The following GRIN2A variants were observed in gnomAD, a reference collection of about 807,000 sequenced individuals.
The protein encoded by GRIN2A is glutamate receptor ionotropic, NMDA 2A.
A neutral mutation model predicts 113.4 loss-of-function variants in GRIN2A; 22 were observed. The ratio of observed to expected loss-of-function variants is 0.19; its 90% CI spans 0.14 to 0.28. GRIN2A has a LOEUF of 0.28. Among genes scored for constraint, GRIN2A ranks in the 10% least tolerant of loss-of-function variants. The pLI is 1.00. For synonymous variants in GRIN2A, 827 were observed against 738.4 expected (o/e 1.12, Z -1.94); for missense variants, 1,502 against 1,887.0 (o/e 0.80, Z 3.78).
chr16:9,955,387 T>G (rs1423740096), intron 2 of GRIN2A, among the ~76,000 whole-genome samples: 1 of 152,212 alleles, frequency 6.6e-6, no homozygotes, highest in Non-Finnish European at 1.5e-5. Context: ...CTTCATTCAT[T>G]TCTAGATCAT....
chr16:9,858,635 C>T (rs1411167953), intron 4 of GRIN2A, among the ~76,000 whole-genome samples: 3 of 152,054 alleles, frequency 2.0e-5, no homozygotes, highest in Non-Finnish European at 4.4e-5. Flanking sequence ...ATGTTTAATT[C>T]CTATTAATAA....
intron 2 of GRIN2A, among the ~76,000 whole-genome samples, chr16:10,150,317 G>C (rs1406775859): frequency 2.0e-5 from 3 of 152,144 alleles, no homozygotes; most frequent in Non-Finnish European, 4.4e-5. Flanking sequence ...TCACTATTTG[G>C]TTTCAAATCC....
Position 9,764,518 on chromosome 16 carries a change from C to T in GRIN2A, c.3026G>A (p.Arg1009Lys), listed in dbSNP as rs1900786503. ...GGATTTCTTCCACAGCTGCCGGGGT[C>T]TAGAGTTCGCTTTGGATTCTGTGCT... ...AVSTESKANS[R>K]PRQLWKKSVD... Residue 1009 changes from arginine to lysine, a missense_variant, in exon 13 of 13, where the codon AGA becomes AAA. By Grantham distance (26) the Arg-to-Lys change is conservative. Coordinates refer to ENST00000330684, the MANE Select transcript of GRIN2A (RefSeq NM_001134407.3). 16 of 1,614,024 alleles carry T rather than the reference C, an allele frequency of 9.9e-6. No homozygotes were observed. Among genetic ancestry groups the T allele is most frequent in the Non-Finnish European group, 1.4e-5 (16 of 1,179,996 alleles).
At chr16:9,954,993 G>A (rs1596359390) in intron 2 of GRIN2A, among the ~76,000 whole-genome samples, 1 of 152,120 alleles carries the variant, frequency 6.6e-6, no homozygotes, top group Non-Finnish European at 1.5e-5. Flanking sequence ...CATCACCTGG[G>A]ATCAGACTGT....
chr16:9,997,521 A>G (rs796993177), intron 2 of GRIN2A, among the ~76,000 whole-genome samples: 8 of 152,322 alleles, frequency 5.3e-5, no homozygotes, highest in African/African-American at 1.7e-4. Context: ...AAACATTAAG[A>G]GACAAAGCTA....
At chr16:10,077,104 G>A (rs1463528322) in intron 2 of GRIN2A, among the ~76,000 whole-genome samples, 10 of 152,136 alleles carry the variant, frequency 6.6e-5, no homozygotes, top group Admixed American at 6.5e-4. Context: ...TGGAGGAAGC[G>A]ACCACAAGCC....
chr16:10,115,252 G>C (rs967112675), intron 2 of GRIN2A, among the ~76,000 whole-genome samples: 5 of 151,316 alleles, frequency 3.3e-5, no homozygotes, highest in African/African-American at 9.7e-5. Context: ...AGCTTACTTT[G>C]TAATTTCCTT....
intron 3 of GRIN2A, among the ~76,000 whole-genome samples, chr16:9,904,131 G>C (rs1276453987): frequency 3.9e-5 from 6 of 152,210 alleles, no homozygotes; most frequent in Admixed American, 1.3e-4. Flanking sequence ...GTCAATGGGG[G>C]TAAGGCCGCT....
chr16:9,827,578 T>G (rs1478771401), intron 9 of GRIN2A, among the ~76,000 whole-genome samples: 1 of 152,200 alleles, frequency 6.6e-6, no homozygotes, highest in Non-Finnish European at 1.5e-5. Flanking sequence ...TCACACAGAT[T>G]AGTCTTTGGT....
In GRIN2A at chr16:9,763,297, C is replaced by A. The variant is rs377712891; in HGVS notation, c.4247G>T (p.Ser1416Ile). 2 of 1,614,084 alleles carry A rather than the reference C, an allele frequency of 1.2e-6. No homozygotes were observed. Among genetic ancestry groups the A allele is most frequent in the Non-Finnish European group, 8.5e-7 (1 of 1,180,032 alleles). ...AATATACACATCATTGTGGCCCCGA[C>A]TGTCCCTGGAACAGTACGATGCCGT... is the stretch of plus-strand genomic sequence containing the variant. The part of the protein sequence containing the change: ...RSTASYCSRD[S>I]RGHNDVYISE... Residue 1416 changes from serine (S) to isoleucine (I), a missense_variant, in exon 13 of 13, where the codon AGT becomes ATT. Ser to Ile is a moderately radical substitution (Grantham distance 142). Transcript: ENST00000330684.
chr16:10,005,576 T>C (rs1487423077), intron 2 of GRIN2A, among the ~76,000 whole-genome samples: 1 of 152,168 alleles, frequency 6.6e-6, no homozygotes, highest in Non-Finnish European at 1.5e-5. Context: ...AAAAAGATAT[T>C]ACTCACTTCC....
chr16:9,801,070 G>A (rs758530102), intron 10 of GRIN2A, among the ~76,000 whole-genome samples: 11 of 152,118 alleles, frequency 7.2e-5, no homozygotes, highest in East Asian at 1.9e-4. Context: ...GAGAGGTGGC[G>A]TTCATTGTGG....
chr16:10,154,398 C>A (rs2049646587), intron 2 of GRIN2A, among the ~76,000 whole-genome samples: 1 of 152,230 alleles, frequency 6.6e-6, no homozygotes, highest in African/African-American at 2.4e-5. Context: ...CTGTCACTTT[C>A]AGTCTCTTTA....
chr16:9,852,598 G>A (rs2042903673), intron 4 of GRIN2A, among the ~76,000 whole-genome samples: 1 of 152,150 alleles, frequency 6.6e-6, no homozygotes, highest in African/African-American at 2.4e-5. Context: ...AAGATGAGTG[G>A]TAGGTAGAGA....
chr16:9,855,878 G>T (rs942440277), intron 4 of GRIN2A, among the ~76,000 whole-genome samples: 2 of 152,194 alleles, frequency 1.3e-5, no homozygotes, highest in Non-Finnish European at 2.9e-5. Context: ...CTCTTGGATA[G>T]TAATTCTCCA....
chr16:9,897,083 G>T (rs974872654), intron 3 of GRIN2A, among the ~76,000 whole-genome samples: 22 of 152,146 alleles, frequency 1.4e-4, no homozygotes, highest in Non-Finnish European at 2.5e-4. Context: ...CTGGCAAATA[G>T]AGAAGGGGAA....
At chr16:10,161,175 A>G (rs1415319447) in intron 2 of GRIN2A, among the ~76,000 whole-genome samples, 1 of 152,166 alleles carries the variant, frequency 6.6e-6, no homozygotes, top group Non-Finnish European at 1.5e-5. Context: ...CATGATAGTG[A>G]GTGAGTTCTC....
intron 2 of GRIN2A, among the ~76,000 whole-genome samples, chr16:10,088,662 T>C (rs2048127464): frequency 6.6e-6 from 1 of 152,238 alleles, no homozygotes; most frequent in South Asian, 2.1e-4. Context: ...CTCAAAGGAC[T>C]GGCTATTTTT....
rs140758242 is a variant in GRIN2A at position 9,910,726 on chromosome 16, T to C, written c.1008-19626A>G. 1.4e-3 allele frequency among the ~76,000 whole-genome samples: 215 copies of C among 152,126 alleles called. 2 individuals carry two copies. The East Asian group carries it at 0.039, about 27-fold the overall frequency. On this transcript the variant is annotated intron_variant, in intron 3 of 12. Transcript: ENST00000330684. ...CTAATTTTTGTATTTTTAGTAGAAA[T>C]GGAGTTTCACCATGTTGGCCAGTCT...
Sources: allele counts gnomAD v4.1 joint callset (sites outside exome capture counted in the v4.1 genomes callset), GRCh38; gene constraint gnomAD v4.1.1; transcripts MANE v1.5; gene names NCBI Gene and HGNC (gene_info 2026-07-23, HGNC 2026-07-21).